FUT8: variants seen among roughly 807,000 people sequenced by gnomAD.
The protein encoded by FUT8 is fucosyltransferase 8.
In FUT8, 29 loss-of-function variants were observed where a neutral mutation model predicts 71.3. The ratio of observed to expected loss-of-function variants is 0.41; its 90% CI spans 0.30 to 0.55. The LOEUF (loss-of-function observed/expected upper bound fraction) is 0.55, where lower values mean the gene tolerates loss of function less well. FUT8 is among the 20% of genes least tolerant of loss of function. The probability of loss-of-function intolerance (pLI) is 0.34; values close to 1 mark genes in which losing one functional copy is unlikely to be tolerated. For synonymous variants in FUT8, 254 were observed against 239.3 expected (o/e 1.06, Z -0.57); for missense variants, 544 against 702.1 (o/e 0.77, Z 2.55).
intron 1 of FUT8, among the ~76,000 whole-genome samples, chr14:65,420,737 A>G (rs1238143984): frequency 6.6e-6 from 1 of 152,110 alleles, no homozygotes. Context: ...GACCCCCATC[A>G]AGATGAAAAT....
At chr14:65,711,727 G>A (rs1894819419) in intron 7 of FUT8, among the ~76,000 whole-genome samples, 1 of 152,090 alleles carries the variant, frequency 6.6e-6, no homozygotes, top group South Asian at 2.1e-4. Flanking sequence ...ATGAACTGCA[G>A]TACTGATGGT....
chr14:65,384,765 A>G, the FUT8 span, among the ~76,000 whole-genome samples: 51 of 152,274 alleles, frequency 3.3e-4, no homozygotes, highest in African/African-American at 1.2e-3. The surrounding 1 kb of genome is among the most constrained non-coding windows in gnomAD (Gnocchi z 4.2). Context: ...GAAGATTTGT[A>G]TATACTTGTA....
At chr14:65,445,205 C>T (rs568493429) in intron 1 of FUT8, among the ~76,000 whole-genome samples, 130 of 152,038 alleles carry the variant, frequency 8.6e-4, no homozygotes, top group African/African-American at 3.1e-3. Context: ...AACTCTGTCT[C>T]ATAAATAAAT....
At chr14:65,421,482 A>G (rs2065293854) in intron 1 of FUT8, among the ~76,000 whole-genome samples, 1 of 152,120 alleles carries the variant, frequency 6.6e-6, no homozygotes, top group Non-Finnish European at 1.5e-5. Context: ...TATGGTACCA[A>G]TCCTTCTTCC....
intron 3 of FUT8, among the ~76,000 whole-genome samples, chr14:65,586,781 G>T (rs944713290): frequency 6.6e-6 from 1 of 152,156 alleles, no homozygotes; most frequent in Admixed American, 6.5e-5. Flanking sequence ...AAAATTAAAT[G>T]TACTATATTT....
chr14:65,509,362 T>C (rs1334969642), intron 2 of FUT8, among the ~76,000 whole-genome samples: 1 of 152,154 alleles, frequency 6.6e-6, no homozygotes, highest in Non-Finnish European at 1.5e-5. Context: ...GTGATTCTTC[T>C]AGTTTGGTTC....
chr14:65,402,193 G>A, the FUT8 span, among the ~76,000 whole-genome samples: 2 of 132,670 alleles, frequency 1.5e-5, no homozygotes, highest in African/African-American at 5.5e-5. Context: ...AAGATGGAGT[G>A]TGATTTTTTT....
At position 65,499,799 on chromosome 14, in the gene FUT8, C is replaced by T. The variant is rs542116345; in HGVS notation, c.-228+44081C>T. ...TACCATTGCACTCCAGCCTGAGCAACACAGCAAGACCCTGTCTCAAAAAAA... is the reference window on the plus strand; with the variant it reads ...TACCATTGCACTCCAGCCTGAGCAATACAGCAAGACCCTGTCTCAAAAAAA... On this transcript the variant is annotated intron_variant, in intron 2 of 10. Coordinates refer to ENST00000673929, the MANE Select transcript of FUT8 (RefSeq NM_001371533.1). Among the ~76,000 whole-genome samples the T allele has an allele frequency of 3.5e-5, 5 of 144,578 alleles. No individual in the cohort carries two copies. In the East Asian group the frequency reaches 9.9e-4, roughly 29 times the overall value. The allele number at this position is 144,578 out of a possible 152,430, so 94.8% of individuals were successfully genotyped here.
chr14:65,528,879 G>A (rs187315992), intron 2 of FUT8: 6 of 152,410 alleles, frequency 3.9e-5, no homozygotes, highest in African/African-American at 1.4e-4. Flanking sequence ...ATAAGATACT[G>A]GATTTTATCA....
Position 65,743,015 on chromosome 14 carries a change from T to C in FUT8, c.*605T>C, listed in dbSNP as rs961455523. ...GACCTCATCATTAATAAGTGAAGAA[T>C]ACATCAGAAAATAAAATATTCACTC... is the stretch of plus-strand genomic sequence containing the variant. On this transcript the variant is annotated 3_prime_UTR_variant, in exon 11 of 11. Transcript: ENST00000673929. 3 of 151,858 alleles carry C rather than the reference T, an allele frequency of 2.0e-5. No homozygotes were observed. The highest frequency in any genetic ancestry group is 7.3e-5 in the African/African-American group (3 of 41,248). The allele number at this position is 151,858 out of a possible 1,614,324, so 9.4% of individuals were successfully genotyped here.
chr14:65,596,734 T>G (rs533946023), intron 3 of FUT8, among the ~76,000 whole-genome samples: 2 of 152,156 alleles, frequency 1.3e-5, no homozygotes, highest in Non-Finnish European at 1.5e-5. Flanking sequence ...CTTTTTTTTT[T>G]AAATGAAATC....
upstream of FUT8, chr14:65,411,175 A>T (rs1394280421): frequency 6.6e-6 from 1 of 152,228 alleles, no homozygotes; most frequent in Non-Finnish European, 1.5e-5. Context: ...ACAAATTGTT[A>T]TTGAATTATT....
chr14:65,412,059 A>G (rs2139338688), upstream of FUT8: 1 of 456,714 alleles, frequency 2.2e-6, no homozygotes, highest in Admixed American at 2.3e-5. Flanking sequence ...CGTACTAAAT[A>G]AACTTCCGCC....
chr14:65,393,602 C>A, the FUT8 span, among the ~76,000 whole-genome samples: 884 of 152,174 alleles, frequency 5.8e-3, 32 homozygotes, highest in East Asian at 0.093. Flanking sequence ...AGCCACGGAG[C>A]CTTTCTCAGG....
At chr14:65,361,815 T>C in the FUT8 span, among the ~76,000 whole-genome samples, 10 of 151,078 alleles carry the variant, frequency 6.6e-5, no homozygotes, top group African/African-American at 2.4e-4. Context: ...AACAAATAAA[T>C]AAATAAATAA....
At chr14:65,690,943 C>CA (rs1566897810) in intron 7 of FUT8, among the ~76,000 whole-genome samples, 3 of 151,714 alleles carry the variant, frequency 2.0e-5, no homozygotes, top group Admixed American at 6.5e-5. Flanking sequence ...CCAGGCTGGT[C>CA]TCAAACTCCT....
chr14:65,499,970 T>G (rs2139764229), intron 2 of FUT8, among the ~76,000 whole-genome samples: 1 of 152,336 alleles, frequency 6.6e-6, no homozygotes, highest in Non-Finnish European at 1.5e-5. Flanking sequence ...TCAGCTTAGT[T>G]ATTTTTAGGC....
At chr14:65,738,388 A>C (rs1046040012) in intron 10 of FUT8, among the ~76,000 whole-genome samples, 1 of 152,074 alleles carries the variant, frequency 6.6e-6, no homozygotes. Flanking sequence ...CTAAGGGATG[A>C]AATTCAGACT....
At chr14:65,716,235 T>G (rs11627067) in intron 7 of FUT8, among the ~76,000 whole-genome samples, 54,718 of 152,036 alleles carry the variant, frequency 0.36, 12,196 homozygotes, top group Non-Finnish European at 0.5. Flanking sequence ...CTCCAGCTAT[T>G]ATTATATTGG....
Sources: allele counts gnomAD v4.1 joint callset (sites outside exome capture counted in the v4.1 genomes callset), GRCh38; gene constraint gnomAD v4.1.1; non-coding constraint Gnocchi (gnomAD v3.1); transcripts MANE v1.5; gene names NCBI Gene and HGNC (gene_info 2026-07-23, HGNC 2026-07-21).